The following TRAF3IP3 variants were observed in gnomAD, a reference collection of about 807,000 sequenced individuals.
The protein encoded by TRAF3IP3 is TRAF3-interacting JNK-activating modulator.
TRAF3IP3 carries 64 observed loss-of-function variants against 86.5 expected under a neutral mutation model. The observed-to-expected ratio is 0.74, with a 90% CI of 0.60 to 0.91. TRAF3IP3 has a LOEUF of 0.91. Among genes scored for constraint, TRAF3IP3 ranks in the 40% least tolerant of loss-of-function variants. The probability of loss-of-function intolerance (pLI) is 0.00; values close to 1 mark genes in which losing one functional copy is unlikely to be tolerated. For missense variants in TRAF3IP3, 579 were observed against 642.9 expected (o/e 0.90, Z 1.07); for synonymous variants, 220 against 243.9 (o/e 0.90, Z 0.91).
chr1:209,779,615 T>G, intron 14 of TRAF3IP3: 2 of 632,484 alleles, frequency 3.2e-6, no homozygotes. Flanking sequence ...TGAAAGCACA[T>G]GTCTGTGTTG....
chr1:209,764,507 C>T (rs1338763399), intron 8 of TRAF3IP3, among the ~76,000 whole-genome samples: 5 of 151,702 alleles, frequency 3.3e-5, no homozygotes, highest in Admixed American at 6.6e-5. Context: ...TTTGGGAGCC[C>T]GAGGCGGGTG....
Position 209,780,550 on chromosome 1 carries a change from G to GA in TRAF3IP3, c.1394dup (p.Asp465GlufsTer32). The GA allele has an allele frequency of 6.2e-7, 1 of 1,601,582 alleles. No homozygotes were observed. Among genetic ancestry groups the GA allele is most frequent in the South Asian group, 1.1e-5 (1 of 89,444 alleles). ...GGGTACAGGGAAGGAGAAAGACTGG[G>GA]ATCTCAGAGACCAGCTGCAAAAGAA... On this transcript the variant is annotated frameshift_variant, in exon 15 of 17. Coordinates refer to ENST00000367025, the MANE Select transcript of TRAF3IP3 (RefSeq NM_025228.4). LOFTEE classifies it high-confidence loss of function.
chr1:209,780,435 C>T, intron 14 of TRAF3IP3, 35 bp from the exon 15 acceptor site: 2 of 1,517,962 alleles, frequency 1.3e-6, no homozygotes, highest in Non-Finnish European at 1.8e-6. Context: ...GAGGTGTGGG[C>T]CTCACTGTCA....
intron 1 of TRAF3IP3, among the ~76,000 whole-genome samples, chr1:209,757,665 T>C (rs1458111622): frequency 1.3e-5 from 2 of 152,230 alleles, no homozygotes; most frequent in Non-Finnish European, 2.9e-5. Flanking sequence ...GCATTCTTGG[T>C]CCTAGAAGTG....
At chr1:209,765,178 GGAGAGAGAGAGAGAGA>G (rs375415223) in intron 8 of TRAF3IP3, among the ~76,000 whole-genome samples, 5 of 87,852 alleles carry the variant, frequency 5.7e-5, no homozygotes, top group African/African-American at 1.5e-4. Context: ...CTGAGAGACA[GGAGAGAGAGAGAGAGA>G]GAGAGAGAGA....
At chr1:209,772,240 T>G (rs1052849419) in intron 8 of TRAF3IP3, among the ~76,000 whole-genome samples, 1 of 152,122 alleles carries the variant, frequency 6.6e-6, no homozygotes, top group Non-Finnish European at 1.5e-5. Context: ...AGAGTTCGTT[T>G]CTCCTGCGGT....
At chr1:209,777,210 C>T (rs908313804) in intron 11 of TRAF3IP3, 142 bp from the exon 12 acceptor site, 11 of 624,118 alleles carry the variant, frequency 1.8e-5, no homozygotes, top group Non-Finnish European at 2.9e-5. Context: ...AGAAAGACTT[C>T]TCTATTTTCT....
At chr1:209,767,865 T>C (rs2077387624) in intron 8 of TRAF3IP3, among the ~76,000 whole-genome samples, 1 of 152,062 alleles carries the variant, frequency 6.6e-6, no homozygotes, top group Admixed American at 6.5e-5. Context: ...TGGGTTTGTC[T>C]CCAAGGAGGA....
chr1:209,777,244 C>G, intron 11 of TRAF3IP3, 108 bp from the exon 12 acceptor site: 1 of 962,678 alleles, frequency 1.0e-6, no homozygotes, highest in Non-Finnish European at 1.5e-6. Context: ...TTCCTTCTAT[C>G]TCTAAAATTC....
intron 8 of TRAF3IP3, among the ~76,000 whole-genome samples, chr1:209,765,278 GAAGGAAGGAAGA>G (rs201432971): frequency 0.05 from 5,390 of 107,150 alleles, 306 homozygotes; most frequent in East Asian, 0.11. Context: ...AGGAAGGAAG[GAAGGAAGGAAGA>G]AATTAAGATA....
At chr1:209,777,300 C>G (rs1340322674) in intron 11 of TRAF3IP3, 52 bp from the exon 12 acceptor site, 7 of 1,513,474 alleles carry the variant, frequency 4.6e-6, no homozygotes, top group Non-Finnish European at 6.3e-6. Flanking sequence ...GCCCCCCAAC[C>G]TCCACCCCAA....
At chr1:209,768,805 A>C (rs1416134898) in intron 8 of TRAF3IP3, 1 of 604,552 alleles carries the variant, frequency 1.7e-6, no homozygotes, top group Non-Finnish European at 2.1e-6. Context: ...ACTGGGCTTC[A>C]GTGTGGGGGA....
Position 209,775,366 on chromosome 1 carries a change from A to T in TRAF3IP3, c.792A>T (p.Gly264=), listed in dbSNP as rs17015183. 4.2e-5 allele frequency: 68 copies of T among 1,612,540 alleles called. No individual in the cohort carries two copies. The highest frequency in any genetic ancestry group is 5.2e-5 in the Non-Finnish European group (61 of 1,179,222). Residue 264 remains glycine (G), a synonymous_variant, in exon 10 of 17, where the codon GGA becomes GGT. Coordinates refer to ENST00000367025, the MANE Select transcript of TRAF3IP3 (RefSeq NM_025228.4). ...ATTTACAGAAATACTCCCCTTGGGG[A>T]ATGAAAAAAGTACTACTGGAGATGG... The part of the protein sequence containing the change: ...YTCTQKYSPW[G]MKKVLLEMED...
Position 209,782,193 on chromosome 1 carries a change from C to A in TRAF3IP3, c.*45C>A. On this transcript the variant is annotated 3_prime_UTR_variant, in exon 17 of 17. Coordinates refer to ENST00000367025, the MANE Select transcript of TRAF3IP3 (RefSeq NM_025228.4). ...TTGGGTGAAAATCAGAAGCAAGCAA[C>A]TCAGCGAAAAACTCAGAAGGTTTGG... 2 of 1,527,744 alleles carry A rather than the reference C, an allele frequency of 1.3e-6. No individual in the cohort carries two copies. Among genetic ancestry groups the A allele is most frequent in the Non-Finnish European group, 1.8e-6 (2 of 1,101,338 alleles). 94.6% of individuals were successfully genotyped at this position (1,527,744 alleles called of 1,614,324 possible).
In TRAF3IP3 at chr1:209,780,525, G is replaced by A; in HGVS notation, c.1368G>A (p.Glu456=). The A allele has an allele frequency of 1.2e-6, 2 of 1,604,286 alleles. No individual in the cohort carries two copies. Among genetic ancestry groups the A allele is most frequent in the South Asian group, 1.1e-5 (1 of 89,828 alleles). ...CCTTCCCTAACGAAGTGGAGCCTGA[G>A]GGTACAGGGAAGGAGAAAGACTGGG... ...PKSFPNEVEP[E]GTGKEKDWDL... Residue 456 remains glutamate (E), a synonymous_variant, in exon 15 of 17, where the codon GAG becomes GAA. Coordinates refer to ENST00000367025, the MANE Select transcript of TRAF3IP3 (RefSeq NM_025228.4).
rs1316907489 is a variant in TRAF3IP3 at position 209,759,140 on chromosome 1, T to A, written c.-59+6T>A. ...ACCAACATTAACCCTGACAGGTTGG[T>A]AATCCTAAAGAAATGGAACCCTCAG... On this transcript the variant is annotated splice_donor_region_variant and intron_variant, in intron 2 of 16. Coordinates refer to ENST00000367025, the MANE Select transcript of TRAF3IP3 (RefSeq NM_025228.4). 3 of 152,206 alleles carry A rather than the reference T, an allele frequency of 2.0e-5. No homozygotes were observed. Among genetic ancestry groups the A allele is most frequent in the African/African-American group, 7.2e-5 (3 of 41,432 alleles). 9.4% of individuals were successfully genotyped at this position (152,206 alleles called of 1,614,324 possible).
In TRAF3IP3 at chr1:209,780,531, A is replaced by G. The variant is rs139097371; in HGVS notation, c.1374A>G (p.Thr458=). The change falls in exon 15 of 17, where the codon ACA becomes ACG. Residue 458 remains threonine (T), a synonymous_variant. Transcript: ENST00000367025. ...SFPNEVEPEG[T]GKEKDWDLRD... The stretch of plus-strand genomic sequence containing the variant: ...CTAACGAAGTGGAGCCTGAGGGTAC[A>G]GGGAAGGAGAAAGACTGGGATCTCA... The G allele has an allele frequency of 6.9e-6, 11 of 1,604,084 alleles. No individual in the cohort carries two copies. The African/African-American group carries it at 1.5e-4, about 22-fold the overall frequency.
chr1:209,760,833 C>T (rs1271316413), intron 3 of TRAF3IP3, among the ~76,000 whole-genome samples: 1 of 151,832 alleles, frequency 6.6e-6, no homozygotes, highest in Admixed American at 6.6e-5. Flanking sequence ...AATCAGGAGG[C>T]AAAGATGGGA....
intron 3 of TRAF3IP3, among the ~76,000 whole-genome samples, chr1:209,760,690 T>C (rs999497681): frequency 1.3e-5 from 2 of 152,146 alleles, no homozygotes; most frequent in African/African-American, 4.8e-5. Flanking sequence ...CCCAGTACTT[T>C]GGGAGGCCAA....
Sources: gnomAD v4.1 joint callset for allele counts (sites outside exome capture counted in the v4.1 genomes callset) on GRCh38, gnomAD v4.1.1 for gene constraint, MANE v1.5 for transcripts, NCBI Gene and HGNC (gene_info 2026-07-23, HGNC 2026-07-21) for gene names.